SHANK2: variants seen among roughly 807,000 people sequenced by gnomAD.
The protein encoded by SHANK2 is SH3 and multiple ankyrin repeat domains protein 2.
Under a neutral mutation model 133.7 loss-of-function variants are expected in SHANK2, and 43 were observed. The ratio of observed to expected loss-of-function variants is 0.32; its 90% confidence interval spans 0.25 to 0.41. SHANK2 has a LOEUF of 0.41. Among genes scored for constraint, SHANK2 ranks in the 10% least tolerant of loss-of-function variants. The pLI, the probability that SHANK2 is intolerant of heterozygous loss-of-function variation, is 1.00. For synonymous variants in SHANK2, 1,017 were observed against 952.8 expected (o/e 1.07, Z -1.24); for missense variants, 1,994 against 2,235.8 (o/e 0.89, Z 2.18).
chr11:70,846,417 C>A (rs782025078), intron 11 of SHANK2, among the ~76,000 whole-genome samples: 1 of 152,090 alleles, frequency 6.6e-6, no homozygotes, highest in Non-Finnish European at 1.5e-5. Context: ...GCATGTGCCA[C>A]CATGCCCGGC....
chr11:70,777,046 C>G (rs1165996932), intron 14 of SHANK2, among the ~76,000 whole-genome samples: 2 of 151,572 alleles, frequency 1.3e-5, no homozygotes, highest in African/African-American at 4.8e-5. Flanking sequence ...CCCACCCACC[C>G]ACTCATGCAT....
intron 17 of SHANK2, among the ~76,000 whole-genome samples, chr11:70,623,233 C>T (rs1422864578): frequency 6.6e-6 from 1 of 152,160 alleles, no homozygotes; most frequent in Admixed American, 6.5e-5. Context: ...CTGCCTCTCC[C>T]ACCCTTCCCG....
intron 17 of SHANK2, among the ~76,000 whole-genome samples, chr11:70,654,835 T>G (rs1183793353): frequency 6.6e-6 from 1 of 151,632 alleles, no homozygotes; most frequent in African/African-American, 2.4e-5. Flanking sequence ...TGGCGTGATC[T>G]CGGCTCACGG....
rs117664055 is a variant in SHANK2 at position 71,094,899 on chromosome 11, G to A, written c.593-211C>T. On this transcript the variant is annotated intron_variant, in intron 6 of 25. Transcript: ENST00000601538. Reference sequence around the variant, plus strand: ...GCGATGCAGTGACACGCAGGGCCACGCGTACAACACAGCGGTGGCAGAGGC... The same window carrying A: ...GCGATGCAGTGACACGCAGGGCCACACGTACAACACAGCGGTGGCAGAGGC... 2.0e-3 allele frequency among the ~76,000 whole-genome samples: 305 copies of A among 152,338 alleles called. 3 individuals are homozygous for A. Among genetic ancestry groups the A allele is most frequent in the East Asian group, 0.019 (99 of 5,178 alleles).
chr11:71,089,819 T>G (rs978471727), intron 8 of SHANK2, among the ~76,000 whole-genome samples: 22 of 152,160 alleles, frequency 1.4e-4, no homozygotes, highest in Non-Finnish European at 2.9e-4. Context: ...GGGCCAGGCC[T>G]GACACTGACA....
intron 14 of SHANK2, among the ~76,000 whole-genome samples, chr11:70,743,774 C>T (rs1356160607): frequency 6.6e-6 from 1 of 152,186 alleles, no homozygotes; most frequent in Non-Finnish European, 1.5e-5. Flanking sequence ...TGCCCAGCTC[C>T]TACATTCCCT....
At chr11:70,673,156 T>C (rs1944846397) in intron 15 of SHANK2, among the ~76,000 whole-genome samples, 1 of 151,938 alleles carries the variant, frequency 6.6e-6, no homozygotes, top group South Asian at 2.1e-4. Flanking sequence ...CCTGGACAAA[T>C]GGGGTGAGTT....
At chr11:70,627,000 G>T (rs1384682941) in intron 17 of SHANK2, among the ~76,000 whole-genome samples, 2 of 152,214 alleles carry the variant, frequency 1.3e-5, no homozygotes, top group Non-Finnish European at 2.9e-5. Flanking sequence ...AGGCCCTTTG[G>T]TTGGCTTTGG....
chr11:71,121,450 T>C (rs1242304020), intron 3 of SHANK2, among the ~76,000 whole-genome samples: 1 of 152,130 alleles, frequency 6.6e-6, no homozygotes, highest in Non-Finnish European at 1.5e-5. Flanking sequence ...AAAAAGGGAG[T>C]AAATCTGGAT....
chr11:70,576,048 C>T (rs893459048), intron 17 of SHANK2, among the ~76,000 whole-genome samples: 3 of 151,934 alleles, frequency 2.0e-5, no homozygotes, highest in Non-Finnish European at 2.9e-5. Context: ...GAAATGTGTT[C>T]CCCCCTCTCC....
At chr11:70,540,028 A>G (rs1393100673) in intron 17 of SHANK2, among the ~76,000 whole-genome samples, 1 of 150,654 alleles carries the variant, frequency 6.6e-6, no homozygotes, top group African/African-American at 2.5e-5. Context: ...CTGCGCCCAA[A>G]CCTCCCTCTT....
chr11:70,933,861 C>G (rs1264859751), intron 10 of SHANK2, among the ~76,000 whole-genome samples: 1 of 148,374 alleles, frequency 6.7e-6, no homozygotes, highest in African/African-American at 2.5e-5. Flanking sequence ...GATTGCACCA[C>G]TGCCCTCCAG....
intron 17 of SHANK2, among the ~76,000 whole-genome samples, chr11:70,520,302 CA>C (rs1245980524): frequency 6.6e-6 from 1 of 152,214 alleles, no homozygotes; most frequent in Non-Finnish European, 1.5e-5. Context: ...CTGTCCAGAG[CA>C]CCACATTACG....
chr11:71,199,621 T>C (rs7942475), intron 2 of SHANK2, among the ~76,000 whole-genome samples: 1,630 of 152,300 alleles, frequency 0.011, 31 homozygotes, highest in African/African-American at 0.036. Flanking sequence ...GAAGGGAGCA[T>C]GCAGGGAAGA....
At chr11:71,063,375 T>C (rs1951011081) in intron 9 of SHANK2, among the ~76,000 whole-genome samples, 1 of 152,202 alleles carries the variant, frequency 6.6e-6, no homozygotes, top group Non-Finnish European at 1.5e-5. Context: ...ATGGTTCACT[T>C]GGCTTAATAA....
rs781872356 is a variant in SHANK2, at chr11:70,490,193, C to G, written c.2551+83G>C. 6.6e-6 allele frequency: 8 copies of G among 1,211,512 alleles called. No homozygotes were observed. In the South Asian group the frequency reaches 9.9e-5, roughly 15 times the overall value. 75.0% of individuals were successfully genotyped at this position (1,211,512 alleles called of 1,614,324 possible). A position where few individuals can be genotyped will look rare whatever the true frequency, so the allele number is the denominator to read the frequency against. Reference sequence around the variant, plus strand: ...GACGCCAAGGCAACTGTGAGAGGCCCAGGGCTCAGAATTCCTGAGGGGCCT... The same window carrying G: ...GACGCCAAGGCAACTGTGAGAGGCCGAGGGCTCAGAATTCCTGAGGGGCCT... On this transcript the variant is annotated intron_variant, in intron 23 of 25. Coordinates refer to ENST00000601538, the MANE Select transcript of SHANK2 (RefSeq NM_012309.5).
At chr11:70,731,264 C>T (rs545486844) in intron 14 of SHANK2, among the ~76,000 whole-genome samples, 9 of 152,264 alleles carry the variant, frequency 5.9e-5, no homozygotes, top group South Asian at 2.1e-4. Context: ...AGCCAAGGAG[C>T]GAGGCCTCAC....
At chr11:70,611,076 T>G (rs991065362) in intron 17 of SHANK2, among the ~76,000 whole-genome samples, 16 of 152,158 alleles carry the variant, frequency 1.1e-4, no homozygotes, top group African/African-American at 3.6e-4. Context: ...ATGCAGCCTT[T>G]CAAAATCTCC....
chr11:70,658,280 C>G (rs1415681387), intron 17 of SHANK2, among the ~76,000 whole-genome samples: 51 of 112,820 alleles, frequency 4.5e-4, no homozygotes, highest in African/African-American at 1.7e-3. Flanking sequence ...CACACACACA[C>G]AGACACACAC....
Sources: allele counts gnomAD v4.1 joint callset (sites outside exome capture counted in the v4.1 genomes callset), GRCh38; gene constraint gnomAD v4.1.1; transcripts MANE v1.5; gene names NCBI Gene and HGNC (gene_info 2026-07-23, HGNC 2026-07-21).